Variants in GLIS3 observed in about 807,000 individuals in gnomAD.
GLIS3 encodes zinc finger protein GLIS3.
GLIS3 carries 53 observed loss-of-function variants against 78.6 expected under a neutral mutation model. That is an observed-to-expected ratio of 0.67 (90% CI 0.54 to 0.85). The LOEUF is 0.85. Ranked by LOEUF, GLIS3 falls within the 40% of genes least tolerant of loss-of-function variation. GLIS3 has a pLI of 0.00. For missense variants in GLIS3, 1,703 were observed against 1,231.1 expected (o/e 1.38, Z -5.74); for synonymous variants, 684 against 509.9 (o/e 1.34, Z -4.60).
the GLIS3 span, among the ~76,000 whole-genome samples, chr9:4,462,588 C>G: frequency 5.5e-5 from 8 of 145,162 alleles, no homozygotes; most frequent in African/African-American, 2.0e-4. Flanking sequence ...GAGATTCCAT[C>G]TCTATAACAC....
At chr9:4,303,088 G>C (rs577656675), upstream of GLIS3, among the ~76,000 whole-genome samples, 13 of 151,614 alleles carry the variant, frequency 8.6e-5, no homozygotes, top group Non-Finnish European at 1.9e-4. Context: ...CAAAACTTCA[G>C]AACTGCTATT....
At position 4,085,902 on chromosome 9, in the gene GLIS3, G is replaced by A. The variant is rs1167500689; in HGVS notation, c.1710+31866C>T. Among the ~76,000 whole-genome samples the A allele has an allele frequency of 4.1e-4, 62 of 152,208 alleles. 1 individual carries two copies. Among genetic ancestry groups the A allele is most frequent in the Non-Finnish European group, 1.8e-4 (12 of 68,048 alleles). On this transcript the variant is annotated intron_variant, in intron 4 of 10. Coordinates refer to ENST00000381971, the MANE Select transcript of GLIS3 (RefSeq NM_001042413.2). The stretch of plus-strand genomic sequence containing the variant: ...CACTATGCTTCCTGTAAAGCCTGCA[G>A]AACTGTGAGCAAATTAAACCTCTTT...
At chr9:4,280,132 A>G (rs549623539) in intron 2 of GLIS3, among the ~76,000 whole-genome samples, 1 of 152,204 alleles carries the variant, frequency 6.6e-6, no homozygotes, top group Admixed American at 6.5e-5. Flanking sequence ...TGATCCTCCC[A>G]CCTCGGCCTC....
rs1400394640 is a variant in GLIS3, at chr9:3,977,490, C to T, written c.1711-40301G>A. Among the ~76,000 whole-genome samples the T allele has an allele frequency of 6.6e-6, 1 of 152,118 alleles. No homozygotes were observed. Among genetic ancestry groups the T allele is most frequent in the Non-Finnish European group, 1.5e-5 (1 of 68,034 alleles). On this transcript the variant is annotated intron_variant, in intron 4 of 10. Transcript: ENST00000381971. The surrounding 1 kb of genome is among the most constrained non-coding windows in gnomAD (Gnocchi z 4.1). ...AGAAAAGAAAAGATTTATTGAATTC[C>T]TTTTGGCACCCGGCACAGCTTAGCA...
the GLIS3 span, among the ~76,000 whole-genome samples, chr9:4,398,116 C>G: frequency 6.6e-6 from 1 of 152,048 alleles, no homozygotes; most frequent in Non-Finnish European, 1.5e-5. Flanking sequence ...TTTGGTGAGT[C>G]ATCCCACCTA....
At chr9:4,359,750 C>T in the GLIS3 span, among the ~76,000 whole-genome samples, 4 of 152,030 alleles carry the variant, frequency 2.6e-5, no homozygotes, top group African/African-American at 9.7e-5. Flanking sequence ...AAGTTAACAT[C>T]AAGAATTATT....
At chr9:4,188,392 G>C (rs1431829446) in intron 2 of GLIS3, among the ~76,000 whole-genome samples, 1 of 149,050 alleles carries the variant, frequency 6.7e-6, no homozygotes, top group East Asian at 2.0e-4. Context: ...GCTGGATTTG[G>C]TTTGCCAGTA....
chr9:4,271,152 T>C (rs777109818), intron 2 of GLIS3, among the ~76,000 whole-genome samples: 17 of 152,172 alleles, frequency 1.1e-4, no homozygotes, highest in Non-Finnish European at 2.1e-4. Context: ...TTAATAATAA[T>C]ACTAGAAAAT....
chr9:4,210,463 G>A (rs1820280934), intron 2 of GLIS3, among the ~76,000 whole-genome samples: 1 of 152,188 alleles, frequency 6.6e-6, no homozygotes, highest in Non-Finnish European at 1.5e-5. Flanking sequence ...AACATGCTCT[G>A]AATTAGAATA....
Position 4,118,026 on chromosome 9 carries a change from C to G in GLIS3, c.1452G>C (p.Gln484His). 6.3e-7 allele frequency: 1 copy of G among 1,596,564 alleles called. No individual in the cohort carries two copies. The highest frequency in any genetic ancestry group is 8.5e-7 in the Non-Finnish European group (1 of 1,170,762). ...TCTCCCCGTCGTCGTCCAGGGTGGCCTGGGGCAAGGCCAGCTGCTGGGCGT... is the reference window on the plus strand; with the variant it reads ...TCTCCCCGTCGTCGTCCAGGGTGGCGTGGGGCAAGGCCAGCTGCTGGGCGT... ...GPHAQQLALP[Q>H]ATLDDDGEMD... The change falls in exon 4 of 11, where the codon CAG becomes CAC. Residue 484 changes from glutamine to histidine, a missense_variant. Transcript: ENST00000381971. This position sits in a 1 kb window ranked among gnomAD's most constrained non-coding sequence, Gnocchi z 4.7.
chr9:4,396,157 G>A, the GLIS3 span, among the ~76,000 whole-genome samples: 15 of 151,662 alleles, frequency 9.9e-5, no homozygotes, highest in Non-Finnish European at 2.2e-4. Flanking sequence ...CCGTCACCCA[G>A]GTTGTGGTAC....
At chr9:4,261,319 A>C (rs1427453233) in intron 2 of GLIS3, among the ~76,000 whole-genome samples, 2 of 152,084 alleles carry the variant, frequency 1.3e-5, no homozygotes, top group African/African-American at 4.8e-5. Context: ...GGGACTTGAT[A>C]CTCTGCCATA....
chr9:4,029,791 C>CT (rs1343873901), intron 4 of GLIS3, among the ~76,000 whole-genome samples: 1 of 152,138 alleles, frequency 6.6e-6, no homozygotes, highest in Non-Finnish European at 1.5e-5. Flanking sequence ...GGATCTCATT[C>CT]TTTTTTATAG....
At chr9:4,248,455 T>C (rs1174916870) in intron 2 of GLIS3, among the ~76,000 whole-genome samples, 1 of 152,208 alleles carries the variant, frequency 6.6e-6, no homozygotes, top group Non-Finnish European at 1.5e-5. Flanking sequence ...TTCCATGGTG[T>C]ATATGTGCCA....
chr9:4,206,371 G>A (rs941275290), intron 2 of GLIS3, among the ~76,000 whole-genome samples: 1 of 152,312 alleles, frequency 6.6e-6, no homozygotes, highest in Admixed American at 6.5e-5. Flanking sequence ...CCAAATTGCA[G>A]TATATGAAGA....
chr9:4,185,851 G>A (rs557272728), intron 2 of GLIS3, among the ~76,000 whole-genome samples: 23 of 152,290 alleles, frequency 1.5e-4, no homozygotes, highest in Admixed American at 1.3e-3. Context: ...CCAACTGGAA[G>A]CTGGAGGGCA....
At position 3,987,775 on chromosome 9, in the gene GLIS3, A is replaced by AC. The variant is rs1366903092; in HGVS notation, c.1711-50587_1711-50586insG. Among the ~76,000 whole-genome samples, 126 of 143,888 alleles carry AC rather than the reference A, an allele frequency of 8.8e-4. 4 individuals carry two copies. Among genetic ancestry groups the AC allele is most frequent in the African/African-American group, 2.5e-3 (98 of 39,602 alleles). The allele number at this position is 143,888 out of a possible 152,430, so 94.4% of individuals were successfully genotyped here. A position where few individuals can be genotyped will look rare whatever the true frequency, so the allele number is the denominator to read the frequency against. On this transcript the variant is annotated intron_variant, in intron 4 of 10. Coordinates refer to ENST00000381971, the MANE Select transcript of GLIS3 (RefSeq NM_001042413.2). ...CCTGGATTTGGCAAAAAAAAAAAAA[A>AC]AAAAAAAAAAAAACAAAACACAAAC...
At position 4,134,599 on chromosome 9, in the gene GLIS3, A is replaced by G. The variant is rs1833255481; in HGVS notation, c.389-8658T>C. ...ACATATATGATGTGCCTGCTCAGTAAAGAGTAGTTGTAATTTTTGTTAATG... is the reference window on the plus strand; with the variant it reads ...ACATATATGATGTGCCTGCTCAGTAGAGAGTAGTTGTAATTTTTGTTAATG... On this transcript the variant is annotated intron_variant, in intron 2 of 10. Transcript: ENST00000381971. Among the ~76,000 whole-genome samples, 3 of 152,178 alleles carry G rather than the reference A, an allele frequency of 2.0e-5. No homozygotes were observed. The South Asian group carries it at 6.2e-4, about 31-fold the overall frequency.
chr9:4,231,819 G>C (rs766243825), intron 2 of GLIS3, among the ~76,000 whole-genome samples: 11 of 152,124 alleles, frequency 7.2e-5, no homozygotes, highest in Non-Finnish European at 1.3e-4. Flanking sequence ...ACTACTCACA[G>C]ACCCATATGG....
Sources: allele counts gnomAD v4.1 joint callset (sites outside exome capture counted in the v4.1 genomes callset), GRCh38; gene constraint gnomAD v4.1.1; non-coding constraint Gnocchi (gnomAD v3.1); transcripts MANE v1.5; gene names NCBI Gene and HGNC (gene_info 2026-07-23, HGNC 2026-07-21).